RASGRP1: variants seen among roughly 807,000 people sequenced by gnomAD.
RASGRP1 encodes the protein RAS guanyl-releasing protein 1.
In RASGRP1, 37 loss-of-function variants were observed where a neutral mutation model predicts 95.1. The observed-to-expected ratio is 0.39, with a 90% CI of 0.30 to 0.51. The LOEUF is 0.51. RASGRP1 is among the 20% of genes least tolerant of loss of function. RASGRP1 has a pLI of 0.80. For missense variants in RASGRP1, 711 were observed against 965.4 expected (o/e 0.74, Z 3.49); for synonymous variants, 325 against 353.4 (o/e 0.92, Z 0.90).
chr15:38,537,167 C>T (rs1041799169), intron 2 of RASGRP1, among the ~76,000 whole-genome samples: 8 of 152,054 alleles, frequency 5.3e-5, no homozygotes, highest in Non-Finnish European at 4.4e-5. Context: ...ACTGTGCCAG[C>T]GAGACTGGAC....
At chr15:38,511,046 G>A (rs1595840340) in intron 8 of RASGRP1, among the ~76,000 whole-genome samples, 1 of 152,172 alleles carries the variant, frequency 6.6e-6, no homozygotes, top group African/African-American at 2.4e-5. Flanking sequence ...GTAGGAAAAT[G>A]TACAGGACAT....
chr15:38,544,207 G>A (rs144694282), intron 2 of RASGRP1, among the ~76,000 whole-genome samples: 14 of 152,200 alleles, frequency 9.2e-5, no homozygotes, highest in Non-Finnish European at 1.5e-4. Context: ...TGGCTGGTTG[G>A]AACTGCGTTA....
In RASGRP1 at chr15:38,520,789, G is replaced by A. The variant is rs138904082; in HGVS notation, c.327-1418C>T. 1.8e-3 allele frequency among the ~76,000 whole-genome samples: 270 copies of A among 152,172 alleles called. 2 individuals are homozygous for A. The highest frequency in any genetic ancestry group is 5.8e-3 in the African/African-American group (242 of 41,540). Reference sequence around the variant, plus strand: ...TTTAATTAACATTATTCAAATTAACGAAACATTTTTCAAAGTCCCTTAAAA... The same window carrying A: ...TTTAATTAACATTATTCAAATTAACAAAACATTTTTCAAAGTCCCTTAAAA... On this transcript the variant is annotated intron_variant, in intron 3 of 16. Coordinates refer to ENST00000310803, the MANE Select transcript of RASGRP1 (RefSeq NM_005739.4).
intron 1 of RASGRP1, among the ~76,000 whole-genome samples, 166 bp downstream of exon 1, chr15:38,564,428 G>A (rs1416508398): frequency 1.4e-5 from 2 of 147,638 alleles, no homozygotes; most frequent in African/African-American, 2.5e-5. Context: ...GCAGCGCGCC[G>A]GGCGTTCTGG....
At chr15:38,542,619 T>C (rs768079608) in intron 2 of RASGRP1, among the ~76,000 whole-genome samples, 32 of 151,132 alleles carry the variant, frequency 2.1e-4, no homozygotes, top group Non-Finnish European at 4.1e-4. Flanking sequence ...CAGGGCAACA[T>C]GCAAGGGAAG....
intron 6 of RASGRP1, among the ~76,000 whole-genome samples, chr15:38,514,632 T>C (rs1268497203): frequency 1.3e-5 from 2 of 152,124 alleles, no homozygotes; most frequent in Non-Finnish European, 1.5e-5. Flanking sequence ...AACCCTGAGA[T>C]AGTCTTCTAT....
intron 2 of RASGRP1, among the ~76,000 whole-genome samples, chr15:38,543,648 C>CTTTTTTT (rs11450286): frequency 2.0e-5 from 1 of 49,506 alleles, no homozygotes; most frequent in Non-Finnish European, 5.1e-5. Context: ...TTCTTTTTTT[C>CTTTTTTT]TTTTTTTTTT....
In RASGRP1 at chr15:38,564,797, C is replaced by G. The variant is rs1397147157; in HGVS notation, c.-169G>C. Reference sequence around the variant, plus strand: ...GCCCGACCGAGGTGCACCGCAGGCACAAACTTTGTGCGAGCGCGCCCCCTC... The same window carrying G: ...GCCCGACCGAGGTGCACCGCAGGCAGAAACTTTGTGCGAGCGCGCCCCCTC... On this transcript the variant is annotated 5_prime_UTR_variant, in exon 1 of 17. Coordinates refer to ENST00000310803, the MANE Select transcript of RASGRP1 (RefSeq NM_005739.4). 2.3e-6 allele frequency: 1 copy of G among 433,408 alleles called. No individual in the cohort carries two copies. The highest frequency in any genetic ancestry group is 2.1e-5 in the African/African-American group (1 of 47,156). The allele number at this position is 433,408 out of a possible 1,614,324, so 26.8% of individuals were successfully genotyped here.
At chr15:38,533,085 GT>G (rs1368435049) in intron 2 of RASGRP1, among the ~76,000 whole-genome samples, 2 of 152,170 alleles carry the variant, frequency 1.3e-5, no homozygotes, top group Admixed American at 1.3e-4. Context: ...CTTCTCCTTT[GT>G]TTTGGTTTCC....
intron 6 of RASGRP1, among the ~76,000 whole-genome samples, chr15:38,514,735 G>T (rs1595845761): frequency 6.6e-6 from 1 of 152,306 alleles, no homozygotes; most frequent in South Asian, 2.1e-4. Context: ...ACACTGGCTG[G>T]GATTCCTCGT....
chr15:38,498,681 T>C (rs1260617128), intron 15 of RASGRP1, 113 bp downstream of exon 15: 1 of 1,323,668 alleles, frequency 7.6e-7, no homozygotes, highest in African/African-American at 1.5e-5. Context: ...CTGGCCTAGC[T>C]GTTGAGGTTA....
chr15:38,550,967 C>T (rs188139460), intron 2 of RASGRP1, among the ~76,000 whole-genome samples: 1 of 152,192 alleles, frequency 6.6e-6, no homozygotes, highest in Admixed American at 6.5e-5. Context: ...TTTGCAAATA[C>T]AAGAACTTAT....
chr15:38,542,856 TATATACAC>T lies in RASGRP1; in HGVS notation c.221-16460_221-16453del, dbSNP rs1157905255. Among the ~76,000 whole-genome samples, 28 of 122,184 alleles carry T rather than the reference TATATACAC, an allele frequency of 2.3e-4. No homozygotes were observed. The South Asian group carries it at 6.9e-3, about 30-fold the overall frequency. 80.2% of individuals were successfully genotyped at this position (122,184 alleles called of 152,430 possible). On this transcript the variant is annotated intron_variant, in intron 2 of 16. Transcript: ENST00000310803. ...ATGTGTATATATATATATGTGTATA[TATATACAC>T]ATATATGTGTATATATATACACATA...
At chr15:38,538,501 T>C (rs761560942) in intron 2 of RASGRP1, among the ~76,000 whole-genome samples, 4 of 152,238 alleles carry the variant, frequency 2.6e-5, no homozygotes, top group Non-Finnish European at 4.4e-5. Flanking sequence ...CTTCTCTTTT[T>C]GCTAACATAC....
intron 2 of RASGRP1, among the ~76,000 whole-genome samples, chr15:38,538,759 G>A (rs1397574407): frequency 1.3e-5 from 2 of 152,048 alleles, no homozygotes; most frequent in East Asian, 1.9e-4. Context: ...AATGTCTTAC[G>A]CCCACCCCTT....
intron 2 of RASGRP1, among the ~76,000 whole-genome samples, chr15:38,528,768 T>C (rs57127864): frequency 0.015 from 2,222 of 152,336 alleles, 65 homozygotes; most frequent in African/African-American, 0.051. Context: ...ATTTAGTCTC[T>C]TGGCTAAAAT....
rs115474138 is a variant in RASGRP1, at chr15:38,488,200, C to G, written c.*2354G>C. On this transcript the variant is annotated 3_prime_UTR_variant, in exon 17 of 17. Transcript: ENST00000310803. ...TTACAATCTGTACATTTGTTTTTTTCTTGCATTTCTATATTATACATTTTG... is the reference window on the plus strand; with the variant it reads ...TTACAATCTGTACATTTGTTTTTTTGTTGCATTTCTATATTATACATTTTG... 6.6e-6 allele frequency: 1 copy of G among 151,992 alleles called. No individual in the cohort carries two copies. The highest frequency in any genetic ancestry group is 2.4e-5 in the African/African-American group (1 of 41,510). The allele number at this position is 151,992 out of a possible 1,614,324, so 9.4% of individuals were successfully genotyped here.
chr15:38,520,055 T>G (rs897042803), intron 3 of RASGRP1, among the ~76,000 whole-genome samples: 3 of 152,148 alleles, frequency 2.0e-5, no homozygotes, highest in Non-Finnish European at 2.9e-5. Flanking sequence ...AATAGCAAGA[T>G]CTCATCAAGT....
intron 2 of RASGRP1, among the ~76,000 whole-genome samples, chr15:38,540,941 G>C (rs753327773): frequency 6.6e-6 from 1 of 152,128 alleles, no homozygotes; most frequent in Non-Finnish European, 1.5e-5. Flanking sequence ...GACCTAACAG[G>C]CTGATTCCAG....
Sources: allele counts gnomAD v4.1 joint callset (sites outside exome capture counted in the v4.1 genomes callset), GRCh38; gene constraint gnomAD v4.1.1; transcripts MANE v1.5; gene names NCBI Gene and HGNC (gene_info 2026-07-23, HGNC 2026-07-21).